SPHKAP: variants seen among roughly 807,000 people sequenced by gnomAD.
SPHKAP encodes SPHK1 interactor, AKAP domain containing, also known as A-kinase anchor protein SPHKAP.
Under a neutral mutation model 137.5 loss-of-function variants are expected in SPHKAP, and 67 were observed. The ratio of observed to expected loss-of-function variants is 0.49; its 90% confidence interval spans 0.40 to 0.60. The LOEUF (loss-of-function observed/expected upper bound fraction) is 0.60. Ranked by LOEUF, SPHKAP falls within the 20% of genes least tolerant of loss-of-function variation. The pLI is 0.00. For synonymous variants in SPHKAP, 813 were observed against 785.3 expected (o/e 1.04, Z -0.59); for missense variants, 2,097 against 2,069.3 (o/e 1.01, Z -0.26).
intron 1 of SPHKAP, among the ~76,000 whole-genome samples, chr2:228,180,481 T>A (rs1700873714): frequency 6.6e-6 from 1 of 151,546 alleles, no homozygotes; most frequent in South Asian, 2.1e-4. Flanking sequence ...TCTCCAAGAA[T>A]CCGAACTTAA....
chr2:228,025,832 T>C (rs1011037954), intron 4 of SPHKAP: 1 of 976,632 alleles, frequency 1.0e-6, no homozygotes, highest in African/African-American at 1.8e-5. Context: ...AACAGTAACT[T>C]GGAAAAATTT....
intron 7 of SPHKAP, among the ~76,000 whole-genome samples, chr2:228,001,359 A>C (rs1448551416): frequency 6.9e-6 from 1 of 143,976 alleles, no homozygotes; most frequent in Non-Finnish European, 1.5e-5. Context: ...ACATATATAA[A>C]TATATACACA....
chr2:227,992,317 A>G (rs1000672136), intron 9 of SPHKAP, among the ~76,000 whole-genome samples: 1 of 152,190 alleles, frequency 6.6e-6, no homozygotes, highest in Admixed American at 6.5e-5. Context: ...ATTTGCAGAA[A>G]TGCTAATTTT....
intron 3 of SPHKAP, among the ~76,000 whole-genome samples, chr2:228,087,208 C>G (rs1697567374): frequency 6.6e-6 from 1 of 152,154 alleles, no homozygotes; most frequent in African/African-American, 2.4e-5. Flanking sequence ...ATACCAAAGG[C>G]TTCACACTGC....
rs1319995360 is a variant in SPHKAP at position 227,981,700 on chromosome 2, T to G, written c.*17A>C. 2 of 1,610,858 alleles carry G rather than the reference T, an allele frequency of 1.2e-6. No homozygotes were observed. Among genetic ancestry groups the G allele is most frequent in the Middle Eastern group, 3.3e-4 (2 of 6,030 alleles). On this transcript the variant is annotated 3_prime_UTR_variant, in exon 12 of 12. Transcript: ENST00000392056. ...TGGAATAAAGGGAAGGAATGATCTA[T>G]ACGGCAGACTGCCTTATTATCCCAG...
chr2:228,080,743 A>C (rs1488326053), intron 3 of SPHKAP, among the ~76,000 whole-genome samples: 1 of 32,504 alleles, frequency 3.1e-5, no homozygotes, highest in Non-Finnish European at 6.3e-5. Context: ...AAAATAAAAT[A>C]AAATAAAATA....
intron 9 of SPHKAP, chr2:227,991,816 G>T: frequency 1.9e-6 from 1 of 537,348 alleles, no homozygotes; most frequent in Non-Finnish European, 2.4e-6. Context: ...ACATGTATAT[G>T]GTTATTTGAT....
Position 227,982,338 on chromosome 2 carries a change from C to T in SPHKAP, c.4960-478G>A, listed in dbSNP as rs906081598. On this transcript the variant is annotated intron_variant, in intron 11 of 11. Coordinates refer to ENST00000392056, the MANE Select transcript of SPHKAP (RefSeq NM_001142644.2). The stretch of plus-strand genomic sequence containing the variant: ...CCACCTATTGATTCTTCATTCCATC[C>T]TGAGAAGCAACTCCCTCACCCTCCA... The T allele has an allele frequency of 3.0e-6, 3 of 985,180 alleles. No homozygotes were observed. The African/African-American group carries it at 5.2e-5, about 17-fold the overall frequency. The allele number at this position is 985,180 out of a possible 1,614,324, so 61.0% of individuals were successfully genotyped here. A position where few individuals can be genotyped will look rare whatever the true frequency, so the allele number is the denominator to read the frequency against.
intron 3 of SPHKAP, among the ~76,000 whole-genome samples, chr2:228,054,629 A>G (rs2106277651): frequency 6.6e-6 from 1 of 152,268 alleles, no homozygotes; most frequent in South Asian, 2.1e-4. Flanking sequence ...TAACCTCCAC[A>G]ATCAGAATTT....
At position 228,115,947 on chromosome 2, in the gene SPHKAP, T is replaced by TA. The variant is rs1248519670; in HGVS notation, c.139-7009dup. ...CTCATGCATGGAATTAGTGCCCTTATAAAAAAAGGCTTGAAAGCTTTTTGC... is the reference window on the plus strand; with the variant it reads ...CTCATGCATGGAATTAGTGCCCTTATAAAAAAAAGGCTTGAAAGCTTTTTGC... On this transcript the variant is annotated intron_variant, in intron 2 of 11. Coordinates refer to ENST00000392056, the MANE Select transcript of SPHKAP (RefSeq NM_001142644.2). 3.3e-5 allele frequency among the ~76,000 whole-genome samples: 5 copies of TA among 152,150 alleles called. No homozygotes were observed. The East Asian group carries it at 5.8e-4, about 18-fold the overall frequency.
chr2:228,025,667 G>T, intron 4 of SPHKAP, 139 bp from the exon 5 acceptor site: 1 of 1,097,656 alleles, frequency 9.1e-7, no homozygotes, highest in Non-Finnish European at 1.2e-6. Context: ...CTTACTAGAA[G>T]AAATTTTATA....
At chr2:228,064,350 C>T (rs559085403) in intron 3 of SPHKAP, among the ~76,000 whole-genome samples, 2 of 152,214 alleles carry the variant, frequency 1.3e-5, no homozygotes, top group African/African-American at 2.4e-5. Context: ...CCATTATCAT[C>T]GTGTGTAGAA....
intron 3 of SPHKAP, among the ~76,000 whole-genome samples, chr2:228,085,846 TACTC>T (rs1697521639): frequency 6.6e-6 from 1 of 152,154 alleles, no homozygotes; most frequent in African/African-American, 2.4e-5. Flanking sequence ...TTTTCACAAA[TACTC>T]ACTTGTCAAC....
intron 7 of SPHKAP, among the ~76,000 whole-genome samples, chr2:228,001,340 T>TATATATACACATATATAA (rs1265574985): frequency 7.0e-6 from 1 of 143,070 alleles, no homozygotes; most frequent in Non-Finnish European, 1.5e-5. Flanking sequence ...CATATATAAA[T>TATATATACACATATATAA]ATATATACAC....
chr2:228,076,886 A>G (rs1697201722), intron 3 of SPHKAP, among the ~76,000 whole-genome samples: 1 of 152,190 alleles, frequency 6.6e-6, no homozygotes, highest in Admixed American at 6.5e-5. Flanking sequence ...CCTATGCAGC[A>G]GTCCCTCCTA....
chr2:228,139,644 C>A (rs927323113), intron 1 of SPHKAP, among the ~76,000 whole-genome samples: 2 of 152,110 alleles, frequency 1.3e-5, no homozygotes, highest in African/African-American at 4.8e-5. Flanking sequence ...ATCCTTCATT[C>A]CGAAAAAGTA....
Position 228,018,798 on chromosome 2 carries a change from T to C in SPHKAP, c.2056A>G (p.Lys686Glu). The change falls in exon 7 of 12, where the codon AAA becomes GAA. Residue 686 changes from lysine (K) to glutamate (E), a missense_variant. By Grantham distance (56) the Lys-to-Glu change is moderately conservative (BLOSUM62 1). Coordinates refer to ENST00000392056, the MANE Select transcript of SPHKAP (RefSeq NM_001142644.2). ...TCATTGGGGTCGATTATCATATTTT[T>C]GTGGTGAACTTCATCAATGGAATGC... ...LRHSIDEVHH[K>E]NMIIDPNDNR... The C allele has an allele frequency of 1.2e-6, 2 of 1,614,236 alleles. No homozygotes were observed. The highest frequency in any genetic ancestry group is 1.7e-6 in the Non-Finnish European group (2 of 1,180,038).
chr2:228,079,474 G>A (rs78951766), intron 3 of SPHKAP, among the ~76,000 whole-genome samples: 53 of 152,338 alleles, frequency 3.5e-4, no homozygotes, highest in African/African-American at 1.1e-3. Flanking sequence ...ACCCCATGGA[G>A]TGAGGTTCCA....
At chr2:228,064,029 T>C (rs1313487519) in intron 3 of SPHKAP, among the ~76,000 whole-genome samples, 2 of 152,178 alleles carry the variant, frequency 1.3e-5, no homozygotes, top group African/African-American at 4.8e-5. Flanking sequence ...GTAAAAGTAG[T>C]TGATATTGCT....
Sources: allele counts gnomAD v4.1 joint callset (sites outside exome capture counted in the v4.1 genomes callset), GRCh38; gene constraint gnomAD v4.1.1; transcripts MANE v1.5; gene names NCBI Gene and HGNC (gene_info 2026-07-23, HGNC 2026-07-21).